The following HUWE1 variants were observed in gnomAD, a reference collection of about 807,000 sequenced individuals.
HUWE1 encodes the protein E3 ubiquitin-protein ligase HUWE1.
Under a neutral mutation model 299.4 loss-of-function variants are expected in HUWE1, and 18 were observed. The ratio of observed to expected loss-of-function variants is 0.06; its 90% CI spans 0.04 to 0.09. The LOEUF (loss-of-function observed/expected upper bound fraction) is 0.09, where lower values mean the gene tolerates loss of function less well. Ranked by LOEUF, HUWE1 falls within the 10% of genes least tolerant of loss-of-function variation. The pLI, the probability that HUWE1 is intolerant of heterozygous loss-of-function variation, is 1.00. For synonymous variants in HUWE1, 1,317 were observed against 1,286.1 expected (o/e 1.02, Z -0.51); for missense variants, 1,832 against 3,462.3 (o/e 0.53, Z 11.82).
chrX:53,537,265 T>G, intron 78 of HUWE1: 1 of 351,185 alleles, frequency 2.8e-6, no homozygotes, highest in Non-Finnish European at 5.1e-6. Flanking sequence ...ATTCCTAGTA[T>G]AGCAATATTA....
In HUWE1 at chrX:53,600,297, T is replaced by C; in HGVS notation, c.2984A>G (p.Asp995Gly). 8.3e-7 allele frequency: 1 copy of C among 1,203,187 alleles called. No homozygotes were observed. Among genetic ancestry groups the C allele is most frequent in the Middle Eastern group, 2.4e-4 (1 of 4,214 alleles). The part of the protein sequence containing the change: ...QGGKRSDGEQ[D>G]GAAGSMDAST... ...AGCATCCATACTTCCAGCTGCTCCA[T>C]CCTGTTCCCCATCTACAGATGTATA... Residue 995 changes from aspartate to glycine, a missense_variant, in exon 29 of 84, where the codon GAT (aspartate) becomes GGT (glycine). Physicochemically the swap from Asp to Gly is moderately conservative, Grantham distance 94. This residue lies in a region of HUWE1 where 658 missense variants were observed against 1,282.6 expected (regional missense o/e 0.51). Transcript: ENST00000262854.
At chrX:53,632,038 T>C (rs1204993750) in intron 9 of HUWE1, 6 of 339,697 alleles carry the variant, frequency 1.8e-5, no homozygotes, top group East Asian at 1.8e-4. Context: ...AGAAGAGAAA[T>C]TGTATTTTCA....
At position 53,667,255 on chromosome X, in the gene HUWE1, A is replaced by T. The variant is rs1009888194; in HGVS notation, c.-25+12794T>A. ...GTATATCTTTAAGCAAAAGTGACAC[A>T]GTTAGCCAAGCTTACCCTTGACCAC... On this transcript the variant is annotated intron_variant, in intron 3 of 83. Transcript: ENST00000262854. Among the ~76,000 whole-genome samples, 8 of 112,588 alleles carry T rather than the reference A, an allele frequency of 7.1e-5. No individual in the cohort carries two copies. In the Admixed American group the frequency reaches 7.5e-4, roughly 11 times the overall value.
At chrX:53,616,321 G>C (rs2065799186) in intron 21 of HUWE1, among the ~76,000 whole-genome samples, 1 of 110,864 alleles carries the variant, frequency 9.0e-6, no homozygotes, top group Non-Finnish European at 1.9e-5. Context: ...GGAAAAGGAA[G>C]GAATCAGTTT....
chrX:53,574,864 A>G lies in HUWE1; in HGVS notation c.6097+291T>C, dbSNP rs782267525. ...AATATCACTGGCATAAAATCTCTATAAGCCAGTTTTTAGAAACCCCCCAAA... is the reference window on the plus strand; with the variant it reads ...AATATCACTGGCATAAAATCTCTATGAGCCAGTTTTTAGAAACCCCCCAAA... On this transcript the variant is annotated intron_variant, in intron 46 of 83. Coordinates refer to ENST00000262854, the MANE Select transcript of HUWE1 (RefSeq NM_031407.7). Among the ~76,000 whole-genome samples the G allele has an allele frequency of 4.5e-5, 5 of 112,131 alleles. No homozygotes were observed. The South Asian group carries it at 1.9e-3, about 42-fold the overall frequency.
rs192006957 is a variant in HUWE1 at position 53,644,560 on chromosome X, T to C, written c.504+751A>G. On this transcript the variant is annotated intron_variant, in intron 7 of 83. Transcript: ENST00000262854. The stretch of plus-strand genomic sequence containing the variant: ...TCTCATAGGGATGAATTATAGGTGA[T>C]TGACATTTTGTCTACATTTTCCTAG... Among the ~76,000 whole-genome samples the C allele has an allele frequency of 4.4e-3, 496 of 112,335 alleles. 1 individual carries two copies. Among genetic ancestry groups the C allele is most frequent in the Middle Eastern group, 0.032 (7 of 219 alleles).
Position 53,547,778 on chromosome X carries a change from C to G in HUWE1, c.10531G>C (p.Val3511Leu), listed in dbSNP as rs2147215181. 8.3e-7 allele frequency: 1 copy of G among 1,201,538 alleles called. No individual in the cohort carries two copies. The highest frequency in any genetic ancestry group is 1.1e-6 in the Non-Finnish European group (1 of 889,699). ...TPTPPTAPTP[V>L]TSAPALVAAT... ...GCAACCAGGGCTGGAGCAGAAGTGACAGGGGTGGGTGCAGTAGGGGGTGTG... is the reference window on the plus strand; with the variant it reads ...GCAACCAGGGCTGGAGCAGAAGTGAGAGGGGTGGGTGCAGTAGGGGGTGTG... The change falls in exon 68 of 84, where the codon GTC becomes CTC. Residue 3511 changes from valine to leucine, a missense_variant. Val to Leu is a conservative substitution (Grantham distance 32). Transcript: ENST00000262854.
At chrX:53,587,039 C>T in intron 37 of HUWE1, 130 bp from the exon 38 acceptor site, 1 of 745,417 alleles carries the variant, frequency 1.3e-6, no homozygotes, top group East Asian at 3.5e-5. Flanking sequence ...TCAAATTTTA[C>T]CTCTTACCAT....
chrX:53,570,221 T>G (rs2062759595), intron 47 of HUWE1, among the ~76,000 whole-genome samples: 1 of 112,952 alleles, frequency 8.9e-6, no homozygotes, highest in Admixed American at 9.3e-5. Context: ...AACTCCTGTG[T>G]GTGTGTTCTC....
At chrX:53,534,406 T>C (rs1556909870) in intron 82 of HUWE1, 110 bp downstream of exon 82, 6 of 752,936 alleles carry the variant, frequency 8.0e-6, no homozygotes, top group Non-Finnish European at 4.0e-6. Context: ...GTAGACTGTC[T>C]TCTACATGCA....
In HUWE1 at chrX:53,625,245, A is replaced by G; in HGVS notation, c.1503T>C (p.Ile501=). The G allele has an allele frequency of 8.4e-7, 1 of 1,185,189 alleles. No individual in the cohort carries two copies. Among genetic ancestry groups the G allele is most frequent in the Non-Finnish European group, 1.1e-6 (1 of 871,052 alleles). The change falls in exon 18 of 84, where the codon ATT becomes ATC. Residue 501 remains isoleucine, a synonymous_variant. Coordinates refer to ENST00000262854, the MANE Select transcript of HUWE1 (RefSeq NM_031407.7). ...METDMDGVQC[I]PQRAALLKSM... ...ATTTCAGAAGTGCTGCTCGTTGTGG[A>G]ATACACTGGACTCCTGGCAATGAAG...
intron 7 of HUWE1, among the ~76,000 whole-genome samples, chrX:53,638,740 G>T (rs1336715661): frequency 8.9e-6 from 1 of 111,940 alleles, no homozygotes; most frequent in African/African-American, 3.2e-5. Context: ...AGGTGAGGAA[G>T]ACTAATATAT....
intron 43 of HUWE1, among the ~76,000 whole-genome samples, chrX:53,577,368 A>G (rs1556959804): frequency 9.2e-6 from 1 of 108,385 alleles, no homozygotes; most frequent in Admixed American, 9.7e-5. Context: ...TGAGGATTAA[A>G]TGAGGATATA....
chrX:53,681,784 T>C (rs998858162), intron 2 of HUWE1, among the ~76,000 whole-genome samples: 12 of 112,357 alleles, frequency 1.1e-4, no homozygotes, highest in African/African-American at 3.9e-4. Context: ...GTAGAGTGAA[T>C]GACAGGACAG....
intron 29 of HUWE1, among the ~76,000 whole-genome samples, 196 bp downstream of exon 29, chrX:53,599,922 G>A (rs781879888): frequency 1.9e-4 from 21 of 112,060 alleles, no homozygotes; most frequent in Middle Eastern, 4.6e-3. Context: ...CTCAGGAAGG[G>A]ATTCTGTCAT....
Position 53,573,805 on chromosome X carries a change from G to C in HUWE1, c.6257C>G (p.Ala2086Gly). 3.3e-6 allele frequency: 4 copies of C among 1,211,182 alleles called. No homozygotes were observed. Among genetic ancestry groups the C allele is most frequent in the Non-Finnish European group, 4.5e-6 (4 of 894,696 alleles). ...AELVRSYVGI[A>G]TLIANYSYTV... is the part of the protein sequence containing the mutation. ...GTAGCTGTAGTTGGCAATCAGGGTA[G>C]CAATACCAACATAGGACCTCACCAA... Residue 2086 changes from alanine to glycine, a missense_variant, in exon 47 of 84, where the codon GCT (alanine) becomes GGT (glycine). Ala to Gly is a moderately conservative substitution (Grantham distance 60). Transcript: ENST00000262854.
At chrX:53,571,626 T>C (rs1459428502) in intron 47 of HUWE1, among the ~76,000 whole-genome samples, 1 of 111,637 alleles carries the variant, frequency 9.0e-6, no homozygotes, top group African/African-American at 3.3e-5. Context: ...TATGTATTTA[T>C]AGGACTTATG....
chrX:53,647,342 G>A, intron 6 of HUWE1, 26 bp downstream of exon 6: 4 of 1,065,010 alleles, frequency 3.8e-6, no homozygotes, highest in Non-Finnish European at 5.2e-6. Context: ...TCAAGAACAG[G>A]GTACACAGGC....
At chrX:53,664,027 C>T (rs1357148999) in intron 3 of HUWE1, among the ~76,000 whole-genome samples, 2 of 110,851 alleles carry the variant, frequency 1.8e-5, no homozygotes, top group African/African-American at 6.6e-5. Context: ...AATCATGGAT[C>T]CATTTATAAT....
Sources: allele counts gnomAD v4.1 joint callset (sites outside exome capture counted in the v4.1 genomes callset), GRCh38; gene constraint gnomAD v4.1.1; regional missense constraint gnomAD v4.1.1; transcripts MANE v1.5; gene names NCBI Gene and HGNC (gene_info 2026-07-23, HGNC 2026-07-21).